Variants in RBFOX3 observed in about 807,000 individuals in gnomAD.
RBFOX3 encodes the protein RNA binding protein fox-1 homolog 3.
Under a neutral mutation model 48.7 loss-of-function variants are expected in RBFOX3, and 17 were observed. The ratio of observed to expected loss-of-function variants is 0.35; its 90% CI spans 0.24 to 0.52. The LOEUF is 0.52. RBFOX3 is among the 20% of genes least tolerant of loss of function. The pLI, the probability that RBFOX3 is intolerant of heterozygous loss-of-function variation, is 0.94. For synonymous variants in RBFOX3, 212 were observed against 209.5 expected, an observed-to-expected ratio of 1.01 and a Z score of -0.10; for missense variants, 382 against 497.5, an observed-to-expected ratio of 0.77 and a Z score of 2.21.
the RBFOX3 span, among the ~76,000 whole-genome samples, chr17:79,656,821 G>A: frequency 9.1e-6 from 1 of 109,760 alleles, no homozygotes; most frequent in Non-Finnish European, 1.8e-5. Flanking sequence ...GAAAGAGAAA[G>A]AAAGAAAGAA....
intron 1 of RBFOX3, among the ~76,000 whole-genome samples, chr17:79,561,364 C>T (rs2092203547): frequency 1.3e-5 from 2 of 152,252 alleles, no homozygotes; most frequent in Non-Finnish European, 2.9e-5. Flanking sequence ...ACAGTCAGCC[C>T]TTCCCCAGGC....
At chr17:79,313,871 A>G (rs1395318562) in intron 2 of RBFOX3, among the ~76,000 whole-genome samples, 1 of 151,860 alleles carries the variant, frequency 6.6e-6, no homozygotes, top group Non-Finnish European at 1.5e-5. Context: ...TTGTCCTCCC[A>G]CCTCCAGGAG....
chr17:79,461,724 G>A (rs1555748944), intron 2 of RBFOX3, among the ~76,000 whole-genome samples: 3 of 152,196 alleles, frequency 2.0e-5, no homozygotes, highest in Non-Finnish European at 4.4e-5. Context: ...CTCTTGAAAC[G>A]AAATTGTCCT....
chr17:79,327,532 C>T (rs1470426562), intron 2 of RBFOX3, among the ~76,000 whole-genome samples: 1 of 152,226 alleles, frequency 6.6e-6, no homozygotes, highest in Non-Finnish European at 1.5e-5. Context: ...TCAGGCTGCA[C>T]CTGAGAGCAG....
rs890134378 is a variant in RBFOX3, at chr17:79,331,003, G to A, written c.-174-23179C>T. On this transcript the variant is annotated intron_variant, in intron 2 of 14. Coordinates refer to ENST00000693108, the MANE Select transcript of RBFOX3 (RefSeq NM_001350451.2). The stretch of plus-strand genomic sequence containing the variant: ...GTTTCATGAATGTGGGTCCCATCCC[G>A]CTAACTGACCGGTATGCTTAGATTT... Among the ~76,000 whole-genome samples, 9 of 152,250 alleles carry A rather than the reference G, an allele frequency of 5.9e-5. 1 individual carries two copies. Among genetic ancestry groups the A allele is most frequent in the Admixed American group, 3.3e-4 (5 of 15,290 alleles).
the RBFOX3 span, among the ~76,000 whole-genome samples, chr17:79,645,641 C>T: frequency 1.3e-5 from 2 of 152,224 alleles, no homozygotes. Context: ...CATCACCCAA[C>T]TGCCCAGCCC....
At chr17:79,472,794 G>A (rs1368813319) in intron 2 of RBFOX3, among the ~76,000 whole-genome samples, 2 of 152,194 alleles carry the variant, frequency 1.3e-5, no homozygotes, top group African/African-American at 2.4e-5. Context: ...TTATTCAAAC[G>A]TGACAAGTTC....
the RBFOX3 span, among the ~76,000 whole-genome samples, chr17:79,635,358 G>T: frequency 6.6e-6 from 1 of 152,210 alleles, no homozygotes; most frequent in Non-Finnish European, 1.5e-5. Flanking sequence ...ATCTTCCAAA[G>T]CCTCAGAAGA....
Position 79,207,861 on chromosome 17 carries a change from C to T in RBFOX3, c.-34+27905G>A, listed in dbSNP as rs370678473. Among the ~76,000 whole-genome samples the T allele has an allele frequency of 1.3e-4, 20 of 152,346 alleles. 1 individual carries two copies. In the South Asian group the frequency reaches 1.7e-3, roughly 13 times the overall value. ...TTCTTGCTCATCCTCAGCTCTTTTG[C>T]GGCCAGCCAGTCTTGCCCCCAAAAG... On this transcript the variant is annotated intron_variant, in intron 4 of 14. Coordinates refer to ENST00000693108, the MANE Select transcript of RBFOX3 (RefSeq NM_001350451.2).
chr17:79,164,178 A>T (rs922302225), intron 4 of RBFOX3, among the ~76,000 whole-genome samples: 5 of 152,118 alleles, frequency 3.3e-5, no homozygotes, highest in Non-Finnish European at 5.9e-5. Flanking sequence ...GGCCTCTGGG[A>T]GGGGTGGGCA....
chr17:79,090,791 C>T lies in RBFOX3; in HGVS notation c.*92G>A. The T allele has an allele frequency of 1.4e-6, 2 of 1,394,690 alleles. No homozygotes were observed. The highest frequency in any genetic ancestry group is 9.7e-7 in the Non-Finnish European group (1 of 1,035,380). The allele number at this position is 1,394,690 out of a possible 1,614,324, so 86.4% of individuals were successfully genotyped here. On this transcript the variant is annotated 3_prime_UTR_variant, in exon 15 of 15. Coordinates refer to ENST00000693108, the MANE Select transcript of RBFOX3 (RefSeq NM_001350451.2). The stretch of plus-strand genomic sequence containing the variant: ...TTGGTTTTTTTTTTGTTGCTTGGAT[C>T]TTAACATCTTTTTTTGTTTTTTTTG...
At position 79,479,330 on chromosome 17, in the gene RBFOX3, G is replaced by A. The variant is rs1349177322; in HGVS notation, c.-175+3124C>T. ...TCTACAGGCACACCTGACCTCAGAT[G>A]TGTGTACATGGCCCTCTTCCTTCAG... On this transcript the variant is annotated intron_variant, in intron 2 of 14. Coordinates refer to ENST00000693108, the MANE Select transcript of RBFOX3 (RefSeq NM_001350451.2). The surrounding 1 kb of genome is among the most constrained non-coding windows in gnomAD (Gnocchi z 5.1). 6.6e-6 allele frequency among the ~76,000 whole-genome samples: 1 copy of A among 152,184 alleles called. No homozygotes were observed. The highest frequency in any genetic ancestry group is 2.4e-5 in the African/African-American group (1 of 41,436).
intron 4 of RBFOX3, among the ~76,000 whole-genome samples, chr17:79,233,042 G>C (rs947597568): frequency 6.6e-6 from 1 of 152,204 alleles, no homozygotes; most frequent in Non-Finnish European, 1.5e-5. Context: ...GCACAGACTT[G>C]CACACACATA....
rs1482262699 is a variant in RBFOX3, at chr17:79,420,122, G to GTC, written c.-175+62330_-175+62331dup. ...AGCCTGGGCAACAGAGCAAGACTCC[G>GTC]TCTCATACACACACACACACACACA... On this transcript the variant is annotated intron_variant, in intron 2 of 14. Transcript: ENST00000693108. Among the ~76,000 whole-genome samples, 6 of 72,668 alleles carry GTC rather than the reference G, an allele frequency of 8.3e-5. No individual in the cohort carries two copies. The South Asian group carries it at 1.2e-3, about 15-fold the overall frequency. The allele number at this position is 72,668 out of a possible 152,430, so 47.7% of individuals were successfully genotyped here. A position where few individuals can be genotyped will look rare whatever the true frequency, so the allele number is the denominator to read the frequency against.
At chr17:79,510,057 GTCC>G (rs2083871625) in intron 1 of RBFOX3, among the ~76,000 whole-genome samples, 1 of 152,162 alleles carries the variant, frequency 6.6e-6, no homozygotes, top group Admixed American at 6.5e-5. Flanking sequence ...ATTACCTCTG[GTCC>G]TCAAGTGGCG....
intron 3 of RBFOX3, among the ~76,000 whole-genome samples, chr17:79,271,414 A>G (rs2067676307): frequency 6.6e-6 from 1 of 152,208 alleles, no homozygotes; most frequent in African/African-American, 2.4e-5. Flanking sequence ...ACAGCAGAGC[A>G]TTAAGCCAGG....
chr17:79,217,473 C>G (rs185896836), intron 4 of RBFOX3, among the ~76,000 whole-genome samples: 1 of 152,250 alleles, frequency 6.6e-6, no homozygotes, highest in East Asian at 1.9e-4. Flanking sequence ...TCCCAGAGCC[C>G]CAGCTGAACA....
chr17:79,101,693 G>T, intron 8 of RBFOX3, 49 bp from the exon 9 acceptor site: 1 of 1,506,010 alleles, frequency 6.6e-7, no homozygotes, highest in Non-Finnish European at 9.0e-7. Context: ...TTAGCCTCCT[G>T]GAAGACCCAC....
chr17:79,445,063 T>G (rs546946556), intron 2 of RBFOX3, among the ~76,000 whole-genome samples: 1 of 152,246 alleles, frequency 6.6e-6, no homozygotes, highest in African/African-American at 2.4e-5. Context: ...TTCATGTGTG[T>G]TGGAGCCTGT....
Sources: gnomAD v4.1 joint callset for allele counts (sites outside exome capture counted in the v4.1 genomes callset) on GRCh38, gnomAD v4.1.1 for gene constraint, Gnocchi (gnomAD v3.1) non-coding constraint, MANE v1.5 for transcripts, NCBI Gene and HGNC (gene_info 2026-07-23, HGNC 2026-07-21) for gene names.